The following PITRM1 variants were observed in gnomAD, a reference collection of about 807,000 sequenced individuals.
PITRM1 encodes the protein presequence protease, mitochondrial.
Under a neutral mutation model 129.9 loss-of-function variants are expected in PITRM1, and 100 were observed. The ratio of observed to expected loss-of-function variants is 0.77; its 90% CI spans 0.65 to 0.91. The LOEUF (loss-of-function observed/expected upper bound fraction) is 0.91. Ranked by LOEUF, PITRM1 falls within the 40% of genes least tolerant of loss-of-function variation. The probability of loss-of-function intolerance (pLI) is 0.00; values close to 1 mark genes in which losing one functional copy is unlikely to be tolerated. For synonymous variants in PITRM1, 591 were observed against 508.8 expected (o/e 1.16, Z -2.17); for missense variants, 1,471 against 1,318.3 (o/e 1.12, Z -1.79).
At chr10:3,146,334 C>T (rs1840858775) in intron 20 of PITRM1, 2 of 152,680 alleles carry the variant, frequency 1.3e-5, no homozygotes, top group African/African-American at 4.8e-5. Flanking sequence ...AACTATATCC[C>T]AGGCATGTAT....
Position 3,163,893 on chromosome 10 carries a change from C to T in PITRM1, c.631-8G>A, listed in dbSNP as rs758720938. The T allele has an allele frequency of 3.2e-6, 5 of 1,577,250 alleles. No homozygotes were observed. The South Asian group carries it at 4.6e-5, about 15-fold the overall frequency. ...TATCCTCTCATTGTCTGTCTTGAAA[C>T]GTAAAATAAATAAATCATAAGTATA... On this transcript the variant is annotated splice_region_variant and splice_polypyrimidine_tract_variant and intron_variant, in intron 6 of 26. Transcript: ENST00000224949.
chr10:3,162,038 G>A (rs918004952), intron 7 of PITRM1, among the ~76,000 whole-genome samples: 3 of 151,922 alleles, frequency 2.0e-5, no homozygotes, highest in Non-Finnish European at 2.9e-5. Context: ...TGGGCATGGT[G>A]GCGTGCGCCT....
chr10:3,164,689 T>C (rs766324517), intron 6 of PITRM1, among the ~76,000 whole-genome samples: 30 of 152,224 alleles, frequency 2.0e-4, no homozygotes, highest in Non-Finnish European at 3.1e-4. Context: ...TATTCTAAAT[T>C]AAAGCTGAGA....
chr10:3,159,144 A>T, intron 9 of PITRM1, 102 bp from the exon 10 acceptor site: 3 of 1,041,528 alleles, frequency 2.9e-6, no homozygotes, highest in Non-Finnish European at 4.1e-6. Flanking sequence ...ATCTTTCTAG[A>T]AATTCTTGCA....
In PITRM1 at chr10:3,150,153, T is replaced by A. The variant is rs117828921; in HGVS notation, c.1739-400A>T. Among the ~76,000 whole-genome samples, 838 of 152,066 alleles carry A rather than the reference T, an allele frequency of 5.5e-3. 15 individuals are homozygous for A. The highest frequency in any genetic ancestry group is 0.019 in the East Asian group (99 of 5,136). ...ACCCTCTGGCCCCACAACAGAAGGCTGCCCCAGGGCCCCAAACAAGGCTCC... is the reference window on the plus strand; with the variant it reads ...ACCCTCTGGCCCCACAACAGAAGGCAGCCCCAGGGCCCCAAACAAGGCTCC... On this transcript the variant is annotated intron_variant, in intron 15 of 26. Transcript: ENST00000224949.
chr10:3,145,897 A>G (rs1469511075), intron 20 of PITRM1, 181 bp from the exon 21 acceptor site: 3 of 596,266 alleles, frequency 5.0e-6, no homozygotes, highest in Admixed American at 5.7e-5. Context: ...TCAGGTTATC[A>G]AGAGATTTCC....
chr10:3,158,705 A>G (rs920258345), intron 10 of PITRM1, among the ~76,000 whole-genome samples: 2 of 152,232 alleles, frequency 1.3e-5, no homozygotes, highest in East Asian at 3.8e-4. Context: ...CCAGGATCTC[A>G]TCCAGAGTTC....
At position 3,158,853 on chromosome 10, in the gene PITRM1, G is replaced by A. The variant is rs926273504; in HGVS notation, c.1136+61C>T. On this transcript the variant is annotated intron_variant, in intron 10 of 26. Transcript: ENST00000224949. ...TGGGGCCGGGACAGGGTGCGGAGGT[G>A]GAGGAGCAAAACTGCCCCCAACCAA... 93 of 1,519,580 alleles carry A rather than the reference G, an allele frequency of 6.1e-5. 1 individual carries two copies. In the South Asian group the frequency reaches 1.0e-3, roughly 17 times the overall value. The allele number at this position is 1,519,580 out of a possible 1,614,324, so 94.1% of individuals were successfully genotyped here.
Position 3,145,616 on chromosome 10 carries a change from C to T in PITRM1, c.2437G>A (p.Val813Met), listed in dbSNP as rs751078297. 5.2e-6 allele frequency: 8 copies of T among 1,549,962 alleles called. No individual in the cohort carries two copies. The highest frequency in any genetic ancestry group is 4.5e-4 in the Middle Eastern group (2 of 4,414). Residue 813 changes from valine (V) to methionine (M), a missense_variant, in exon 21 of 27, where the codon GTG becomes ATG. Physicochemically the swap from Val to Met is conservative, Grantham distance 21. Coordinates refer to ENST00000224949, the MANE Select transcript of PITRM1 (RefSeq NM_014889.4). Reference sequence around the variant, plus strand: ...CATACCTCGACCGTGTGTGGGCGCACAGGCCTCCGTTCCTTTTTACTCCGA... The same window carrying T: ...CATACCTCGACCGTGTGTGGGCGCATAGGCCTCCGTTCCTTTTTACTCCGA... ...IGRSKKERRP[V>M]RPHTVEKPVP...
intron 24 of PITRM1, among the ~76,000 whole-genome samples, chr10:3,140,239 A>ATC (rs1227408003): frequency 6.6e-6 from 1 of 152,238 alleles, no homozygotes; most frequent in Admixed American, 6.5e-5. Context: ...TCTGATACCT[A>ATC]GACGGCTACT....
At chr10:3,167,524 C>T (rs930163194) in intron 2 of PITRM1, among the ~76,000 whole-genome samples, 7 of 152,184 alleles carry the variant, frequency 4.6e-5, no homozygotes, top group African/African-American at 1.4e-4. Flanking sequence ...GTCTGCCCTT[C>T]CCATGGTACC....
rs373631611 is a variant in PITRM1, at chr10:3,149,614, C to A, written c.1871+7G>T. On this transcript the variant is annotated splice_region_variant and intron_variant, in intron 16 of 26. Coordinates refer to ENST00000224949, the MANE Select transcript of PITRM1 (RefSeq NM_014889.4). ...TAAGACACACAAGGGTATGTTGCGA[C>A]TCGTACTTGGTGAGGACGCTGCAGA... is the stretch of plus-strand genomic sequence containing the variant. 15 of 1,547,944 alleles carry A rather than the reference C, an allele frequency of 9.7e-6. No homozygotes were observed. Among genetic ancestry groups the A allele is most frequent in the Non-Finnish European group, 1.2e-5 (14 of 1,150,918 alleles).
chr10:3,171,147 T>TAAAAAAAAA (rs1169315061), intron 1 of PITRM1, among the ~76,000 whole-genome samples: 1 of 49,202 alleles, frequency 2.0e-5, no homozygotes, highest in Non-Finnish European at 3.7e-5. Flanking sequence ...ATCGTTCAAT[T>TAAAAAAAAA]AAAAAAAAAA....
In PITRM1 at chr10:3,138,235, C is replaced by T; in HGVS notation, c.3020G>A (p.Arg1007Lys). The part of the protein sequence containing the change: ...SHDKLLAVSD[R>K]YLGTGKSTHG... The stretch of plus-strand genomic sequence containing the variant: ...GCTGTCTCCCCCGCTCCCCACTCAC[C>T]TATCGCTCACGGCCAGGAGCTTGTC... The change falls in exon 26 of 27, where the codon AGA becomes AAA. Residue 1007 changes from arginine to lysine, a missense_variant and splice_region_variant. Transcript: ENST00000224949. The T allele has an allele frequency of 6.2e-7, 1 of 1,611,464 alleles. No homozygotes were observed. Among genetic ancestry groups the T allele is most frequent in the East Asian group, 2.2e-5 (1 of 44,864 alleles).
chr10:3,154,484 T>C (rs1232124987), intron 14 of PITRM1, among the ~76,000 whole-genome samples: 1 of 152,164 alleles, frequency 6.6e-6, no homozygotes, highest in Non-Finnish European at 1.5e-5. Context: ...ATTTTTAAAA[T>C]GTTAGTCATT....
intron 11 of PITRM1, 67 bp downstream of exon 11, chr10:3,157,973 A>G: frequency 2.1e-6 from 2 of 943,620 alleles, no homozygotes; most frequent in Non-Finnish European, 3.5e-6. Flanking sequence ...GATCAGGCTC[A>G]GCTTCTCCCA....
chr10:3,171,798 G>T (rs374398697), intron 1 of PITRM1, among the ~76,000 whole-genome samples: 73 of 152,256 alleles, frequency 4.8e-4, no homozygotes, highest in African/African-American at 1.8e-3. Context: ...CCCGCAATGC[G>T]AGAGGCTGAG....
chr10:3,156,570 G>T (rs990879165), intron 13 of PITRM1, among the ~76,000 whole-genome samples: 2 of 152,138 alleles, frequency 1.3e-5, no homozygotes, highest in Non-Finnish European at 1.5e-5. Flanking sequence ...AAACAAACGC[G>T]CAAGCATCAA....
At chr10:3,158,286 G>C in intron 10 of PITRM1, 133 bp from the exon 11 acceptor site, 1 of 633,636 alleles carries the variant, frequency 1.6e-6, no homozygotes, top group South Asian at 1.8e-5. Flanking sequence ...CATTAAAGCA[G>C]TGTTCTCAAG....
Sources: allele counts gnomAD v4.1 joint callset (sites outside exome capture counted in the v4.1 genomes callset), GRCh38; gene constraint gnomAD v4.1.1; transcripts MANE v1.5; gene names NCBI Gene and HGNC (gene_info 2026-07-23, HGNC 2026-07-21).